SLC12A3: variants seen among roughly 807,000 people sequenced by gnomAD.
SLC12A3 encodes the protein solute carrier family 12 member 3, also known as Na-Cl cotransporter.
A neutral mutation model predicts 121.0 loss-of-function variants in SLC12A3; 104 were observed. The observed-to-expected ratio is 0.86, with a 90% CI of 0.73 to 1.01. The LOEUF (loss-of-function observed/expected upper bound fraction) is 1.01. Ranked by LOEUF, SLC12A3 falls within the 50% of genes least tolerant of loss-of-function variation. The pLI, the probability that SLC12A3 is intolerant of heterozygous loss-of-function variation, is 0.00. For synonymous variants in SLC12A3, 536 were observed against 533.4 expected (o/e 1.00, Z -0.07); for missense variants, 1,328 against 1,356.3 (o/e 0.98, Z 0.33).
chr16:56,893,050 T>C lies in SLC12A3; in HGVS notation c.2517T>C (p.Asp839=). 6.2e-7 allele frequency: 1 copy of C among 1,613,534 alleles called. No individual in the cohort carries two copies. Among genetic ancestry groups the C allele is most frequent in the Non-Finnish European group, 8.5e-7 (1 of 1,179,458 alleles). ...TAGACATCTACTGGCTCTTTGACGA[T>C]GGAGGTCAGTGACCCCCTTGGATCA... ...KTIDIYWLFD[D]GGLTLLIPYL... Residue 839 remains aspartate, a synonymous_variant, in exon 21 of 26, where the codon GAT becomes GAC. Coordinates refer to ENST00000563236, the MANE Select transcript of SLC12A3 (RefSeq NM_001126108.2).
intron 11 of SLC12A3, 33 bp downstream of exon 11, chr16:56,879,682 G>A: frequency 2.6e-6 from 4 of 1,537,624 alleles, no homozygotes; most frequent in Non-Finnish European, 3.6e-6. Context: ...AGATGACAGG[G>A]GGTGGGGAGC....
chr16:56,884,100 C>A lies in SLC12A3; in HGVS notation c.1721C>A (p.Ala574Asp). The A allele has an allele frequency of 1.2e-6, 2 of 1,614,206 alleles. No individual in the cohort carries two copies. Among genetic ancestry groups the A allele is most frequent in the Non-Finnish European group, 1.7e-6 (2 of 1,180,012 alleles). The change falls in exon 14 of 26, where the codon GCT (alanine) becomes GAT (aspartate). Residue 574 changes from alanine (A) to aspartate (D), a missense_variant. Coordinates refer to ENST00000563236, the MANE Select transcript of SLC12A3 (RefSeq NM_001126108.2). ...YYNKWAALFG[A>D]IISVVIMFLL... ...AACAAGTGGGCGGCGCTGTTTGGGG[C>A]TATCATCTCCGTGGTCATCATGTTC... is the stretch of plus-strand genomic sequence containing the variant.
chr16:56,900,354 T>G (rs1359058245), intron 23 of SLC12A3, among the ~76,000 whole-genome samples: 1 of 152,056 alleles, frequency 6.6e-6, no homozygotes, highest in Non-Finnish European at 1.5e-5. Flanking sequence ...GCAGTTGCAA[T>G]GCTGCAGAGA....
In SLC12A3 at chr16:56,887,774, A is replaced by T. The variant is rs12918360; in HGVS notation, c.2179-151A>T. On this transcript the variant is annotated intron_variant, in intron 17 of 25. Coordinates refer to ENST00000563236, the MANE Select transcript of SLC12A3 (RefSeq NM_001126108.2). Reference sequence around the variant, plus strand: ...GTGCAAAACAAAAATTTTTAAGATTATATATATATATATATATATATATAT... The same window carrying T: ...GTGCAAAACAAAAATTTTTAAGATTTTATATATATATATATATATATATAT... 0.33 allele frequency: 20,804 copies of T among 63,416 alleles called. 2,491 individuals carry two copies. Among genetic ancestry groups the T allele is most frequent in the African/African-American group, 0.43 (4,814 of 11,148 alleles). 3.9% of individuals were successfully genotyped at this position (63,416 alleles called of 1,614,324 possible).
chr16:56,887,884 C>T, intron 17 of SLC12A3, 41 bp from the exon 18 acceptor site: 1 of 1,486,788 alleles, frequency 6.7e-7, no homozygotes, highest in Non-Finnish European at 9.3e-7. Context: ...CCAACTCTGC[C>T]CCTCTGATGG....
chr16:56,899,120 C>G (rs542175022), intron 22 of SLC12A3, among the ~76,000 whole-genome samples: 2 of 152,366 alleles, frequency 1.3e-5, no homozygotes, highest in African/African-American at 4.8e-5. Flanking sequence ...CTGTCTGCCG[C>G]TACCCCCATG....
intron 8 of SLC12A3, among the ~76,000 whole-genome samples, chr16:56,873,330 G>A (rs879075458): frequency 6.7e-6 from 1 of 149,486 alleles, no homozygotes; most frequent in Admixed American, 6.7e-5. Flanking sequence ...AACTCCGTAC[G>A]CTTGCTTTTT....
intron 8 of SLC12A3, among the ~76,000 whole-genome samples, chr16:56,874,696 T>C (rs1372074473): frequency 6.6e-6 from 1 of 152,112 alleles, no homozygotes; most frequent in East Asian, 1.9e-4. Context: ...TCCCAGCTAC[T>C]CGGGAGGCTA....
chr16:56,871,110 C>T (rs2055090643), intron 6 of SLC12A3, among the ~76,000 whole-genome samples: 1 of 152,204 alleles, frequency 6.6e-6, no homozygotes, highest in Non-Finnish European at 1.5e-5. Context: ...GCTGGGATTA[C>T]AGGTGTGAGC....
At chr16:56,878,563 T>C (rs1297711387) in intron 9 of SLC12A3, among the ~76,000 whole-genome samples, 1 of 152,086 alleles carries the variant, frequency 6.6e-6, no homozygotes, top group East Asian at 1.9e-4. Flanking sequence ...TTTCCCTATT[T>C]CACCAAGGAG....
chr16:56,893,528 G>C (rs2055418637), intron 21 of SLC12A3, among the ~76,000 whole-genome samples: 1 of 152,192 alleles, frequency 6.6e-6, no homozygotes, highest in Non-Finnish European at 1.5e-5. Context: ...CTTACTACCT[G>C]GCTGACAGGG....
At chr16:56,874,552 G>A (rs867740511) in intron 8 of SLC12A3, among the ~76,000 whole-genome samples, 2 of 152,240 alleles carry the variant, frequency 1.3e-5, no homozygotes, top group Non-Finnish European at 2.9e-5. Context: ...TGTAATCCTA[G>A]CACTTTGGAA....
intron 3 of SLC12A3, among the ~76,000 whole-genome samples, chr16:56,869,477 G>A (rs1178493007): frequency 1.3e-5 from 2 of 152,148 alleles, no homozygotes; most frequent in Non-Finnish European, 1.5e-5. Flanking sequence ...ACAGGCATGT[G>A]CCAGCATGCC....
chr16:56,884,635 G>C (rs2055286720), intron 14 of SLC12A3, among the ~76,000 whole-genome samples: 1 of 152,210 alleles, frequency 6.6e-6, no homozygotes, highest in South Asian at 2.1e-4. Context: ...GGGACCCTGG[G>C]GTGGCAGCGA....
intron 25 of SLC12A3, among the ~76,000 whole-genome samples, chr16:56,909,481 G>A (rs1485910955): frequency 7.2e-6 from 1 of 139,178 alleles, no homozygotes; most frequent in Non-Finnish European, 1.5e-5. Context: ...CAGCCTTTGT[G>A]GGATTTGCCA....
At chr16:56,880,384 G>A in intron 12 of SLC12A3, 131 bp downstream of exon 12, 1 of 1,185,642 alleles carries the variant, frequency 8.4e-7, no homozygotes, top group Non-Finnish European at 1.2e-6. Flanking sequence ...GGCACTAAGA[G>A]GCTAAGTCTT....
intron 8 of SLC12A3, among the ~76,000 whole-genome samples, chr16:56,876,632 C>T (rs1197650114): frequency 6.6e-6 from 1 of 152,204 alleles, no homozygotes; most frequent in Admixed American, 6.5e-5. Flanking sequence ...TCCAGCTCTA[C>T]ACCTCTGTTC....
At position 56,886,998 on chromosome 16, in the gene SLC12A3, G is replaced by A. The variant is rs36031476; in HGVS notation, c.2083G>A (p.Gly695Arg). The change falls in exon 17 of 26, where the codon GGG (glycine) becomes AGG (arginine). Residue 695 changes from glycine to arginine, a missense_variant. Transcript: ENST00000563236. ...RMPELQLIAN[G>R]HTKWLNKRKI... ...GCCTGAGCTCCAGCTCATCGCCAAC[G>A]GGCACACCAAGTGGCTGAACAAGAG... 8.8e-4 allele frequency: 1,415 copies of A among 1,613,314 alleles called. 9 individuals carry two copies. In the African/African-American group the frequency reaches 0.017, roughly 19 times the overall value.
In SLC12A3 at chr16:56,892,953, T is replaced by C; in HGVS notation, c.2420T>C (p.Val807Ala). 6.2e-7 allele frequency: 1 copy of C among 1,613,862 alleles called. No individual in the cohort carries two copies. Among genetic ancestry groups the C allele is most frequent in the South Asian group, 1.1e-5 (1 of 91,056 alleles). The change falls in exon 21 of 26, where the codon GTG (valine) becomes GCG (alanine). Residue 807 changes from valine to alanine, a missense_variant and splice_region_variant. Transcript: ENST00000563236. ...TCTGACCCGCCCCCACCTCCTGCAGTGGACCCCAAGGCCCTGGTGAAGGAG... is the reference window on the plus strand; with the variant it reads ...TCTGACCCGCCCCCACCTCCTGCAGCGGACCCCAAGGCCCTGGTGAAGGAG... ...AEDGKEASAR[V>A]DPKALVKEEQ...
Sources: gnomAD v4.1 joint callset for allele counts (sites outside exome capture counted in the v4.1 genomes callset) on GRCh38, gnomAD v4.1.1 for gene constraint, MANE v1.5 for transcripts, NCBI Gene and HGNC (gene_info 2026-07-23, HGNC 2026-07-21) for gene names.